Variants in ADAMTS3 observed in about 807,000 individuals in gnomAD.
ADAMTS3 encodes the protein ADAM metallopeptidase with thrombospondin type 1 motif 3, also known as A disintegrin and metalloproteinase with thrombospondin motifs 3.
A neutral mutation model predicts 129.0 loss-of-function variants in ADAMTS3; 73 were observed. The observed-to-expected ratio is 0.57, with a 90% CI of 0.47 to 0.69. The LOEUF is 0.69. Ranked by LOEUF, ADAMTS3 falls within the 30% of genes least tolerant of loss-of-function variation. The pLI is 0.00. For missense variants in ADAMTS3, 1,457 were observed against 1,514.5 expected, an observed-to-expected ratio of 0.96 and a Z score of 0.63; for synonymous variants, 477 against 510.8, an observed-to-expected ratio of 0.93 and a Z score of 0.89.
At chr4:72,346,826 G>A (rs1720298479) in intron 4 of ADAMTS3, among the ~76,000 whole-genome samples, 1 of 152,008 alleles carries the variant, frequency 6.6e-6, no homozygotes, top group South Asian at 2.1e-4. Context: ...GGCAGTACAT[G>A]CAGTTACACG....
At chr4:72,540,563 C>T (rs1402196895) in intron 3 of ADAMTS3, among the ~76,000 whole-genome samples, 3 of 152,298 alleles carry the variant, frequency 2.0e-5, no homozygotes, top group East Asian at 3.9e-4. Flanking sequence ...TCCAGGGCAT[C>T]TCAGAGGTCT....
intron 4 of ADAMTS3, among the ~76,000 whole-genome samples, chr4:72,363,841 A>C (rs1720792680): frequency 6.6e-6 from 1 of 152,174 alleles, no homozygotes. Context: ...AGCGTGGGAA[A>C]GGTCTTCCAA....
intron 4 of ADAMTS3, among the ~76,000 whole-genome samples, chr4:72,379,657 T>C (rs945392837): frequency 1.3e-5 from 2 of 152,150 alleles, no homozygotes; most frequent in African/African-American, 2.4e-5. Flanking sequence ...ATTTATTCTG[T>C]AATTCTGGGA....
chr4:72,423,282 G>C (rs1722490434), intron 3 of ADAMTS3, among the ~76,000 whole-genome samples: 1 of 152,108 alleles, frequency 6.6e-6, no homozygotes, highest in Non-Finnish European at 1.5e-5. Flanking sequence ...TGCATAGTAA[G>C]TTTTAAATGT....
At chr4:72,457,439 A>C (rs1339244216) in intron 3 of ADAMTS3, among the ~76,000 whole-genome samples, 1 of 151,738 alleles carries the variant, frequency 6.6e-6, no homozygotes, top group Non-Finnish European at 1.5e-5. Context: ...TAGATATTAC[A>C]TGATTCTTTG....
At chr4:72,343,294 C>T (rs1174656761) in intron 4 of ADAMTS3, among the ~76,000 whole-genome samples, 4 of 152,100 alleles carry the variant, frequency 2.6e-5, no homozygotes, top group Non-Finnish European at 4.4e-5. Flanking sequence ...CCCCCAGGTA[C>T]CCCCTTTCCT....
At chr4:72,406,627 T>C (rs538795620) in intron 4 of ADAMTS3, among the ~76,000 whole-genome samples, 3 of 152,270 alleles carry the variant, frequency 2.0e-5, no homozygotes, top group Admixed American at 1.3e-4. Context: ...AAGGAAGAAA[T>C]GGGAACGAAT....
chr4:72,510,128 T>A (rs1450907430), intron 3 of ADAMTS3, among the ~76,000 whole-genome samples: 1 of 147,492 alleles, frequency 6.8e-6, no homozygotes, highest in Non-Finnish European at 1.5e-5. Flanking sequence ...TGCCTCAACA[T>A]AATAAAAGCA....
chr4:72,433,024 T>C (rs1354573065), intron 3 of ADAMTS3, among the ~76,000 whole-genome samples: 4 of 152,004 alleles, frequency 2.6e-5, no homozygotes, highest in Non-Finnish European at 5.9e-5. Context: ...AATCCTACTC[T>C]GTTTATAGGG....
At chr4:72,419,101 A>G (rs946338982) in intron 3 of ADAMTS3, among the ~76,000 whole-genome samples, 1 of 152,136 alleles carries the variant, frequency 6.6e-6, no homozygotes, top group South Asian at 2.1e-4. Context: ...CTCACCTCAC[A>G]AAAATGAGGT....
At chr4:72,530,413 TAA>T (rs1323528514) in intron 3 of ADAMTS3, among the ~76,000 whole-genome samples, 44 of 86,250 alleles carry the variant, frequency 5.1e-4, no homozygotes, top group African/African-American at 1.9e-3. Context: ...ATTTAATATA[TAA>T]TATATATTAA....
At chr4:72,284,087 A>G (rs970515274) in intron 21 of ADAMTS3, among the ~76,000 whole-genome samples, 2 of 152,134 alleles carry the variant, frequency 1.3e-5, no homozygotes, top group African/African-American at 4.8e-5. Context: ...GGTATTTCTG[A>G]CTTTCTCAGA....
In ADAMTS3 at chr4:72,492,529, C is replaced by T. The variant is rs146397235; in HGVS notation, c.504+55949G>A. The stretch of plus-strand genomic sequence containing the variant: ...TATTTGTGAATTTTTCACTTTCTTG[C>T]TGTTACTAATTTCAACTTTTATTGC... On this transcript the variant is annotated intron_variant, in intron 3 of 21. Transcript: ENST00000286657. Among the ~76,000 whole-genome samples, 60 of 151,730 alleles carry T rather than the reference C, an allele frequency of 4.0e-4. No homozygotes were observed. In the East Asian group the frequency reaches 0.011, roughly 27 times the overall value.
chr4:72,283,763 G>GA (rs1212157048), intron 21 of ADAMTS3, 59 bp from the exon 22 acceptor site: 9 of 1,400,070 alleles, frequency 6.4e-6, no homozygotes, highest in Non-Finnish European at 7.5e-6. Flanking sequence ...ATAAAAGGAG[G>GA]AAAAAAATTA....
At chr4:72,530,010 A>T (rs369528821) in intron 3 of ADAMTS3, among the ~76,000 whole-genome samples, 143 of 6,132 alleles carry the variant, frequency 0.023, 40 homozygotes, top group South Asian at 0.069. Context: ...TATAATATAT[A>T]ATATATTATA....
At chr4:72,287,079 T>G (rs1718525563) in intron 21 of ADAMTS3, among the ~76,000 whole-genome samples, 1 of 151,860 alleles carries the variant, frequency 6.6e-6, no homozygotes, top group Non-Finnish European at 1.5e-5. Flanking sequence ...GACTAGGCCA[T>G]CAGGGTGGAG....
intron 3 of ADAMTS3, among the ~76,000 whole-genome samples, chr4:72,530,490 ATT>A (rs1560554120): frequency 1.3e-3 from 46 of 35,266 alleles, no homozygotes; most frequent in African/African-American, 1.5e-3. Context: ...ATAAATATAT[ATT>A]TATATACAAA....
chr4:72,320,060 T>C, intron 7 of ADAMTS3, 97 bp from the exon 8 acceptor site: 1 of 946,402 alleles, frequency 1.1e-6, no homozygotes, highest in Non-Finnish European at 1.6e-6. Context: ...AGTAAAAGCC[T>C]TTCAGGAAAC....
intron 3 of ADAMTS3, among the ~76,000 whole-genome samples, chr4:72,419,207 G>A (rs959154909): frequency 6.6e-6 from 1 of 152,148 alleles, no homozygotes; most frequent in African/African-American, 2.4e-5. Flanking sequence ...TTTCAAGGGT[G>A]TATTCAGCTG....
Sources: allele counts gnomAD v4.1 joint callset (sites outside exome capture counted in the v4.1 genomes callset), GRCh38; gene constraint gnomAD v4.1.1; transcripts MANE v1.5; gene names NCBI Gene and HGNC (gene_info 2026-07-23, HGNC 2026-07-21).